Variants in PDSS2 observed in about 807,000 individuals in gnomAD.
The protein encoded by PDSS2 is all trans-polyprenyl-diphosphate synthase PDSS2.
In PDSS2, 31 loss-of-function variants were observed where a neutral mutation model predicts 44.5. The ratio of observed to expected loss-of-function variants is 0.70; its 90% confidence interval spans 0.52 to 0.94. The LOEUF (loss-of-function observed/expected upper bound fraction) is 0.94. Among genes scored for constraint, PDSS2 ranks in the 40% least tolerant of loss-of-function variants. PDSS2 has a pLI of 0.00. For missense variants in PDSS2, 452 were observed against 482.2 expected (o/e 0.94, Z 0.59); for synonymous variants, 157 against 180.3 (o/e 0.87, Z 1.03).
intron 3 of PDSS2, among the ~76,000 whole-genome samples, chr6:107,249,107 C>T (rs1774727118): frequency 6.6e-6 from 1 of 152,144 alleles, no homozygotes; most frequent in Non-Finnish European, 1.5e-5. Flanking sequence ...GGCTTAACTG[C>T]CAAGTTGCAT....
At chr6:107,247,862 G>C (rs9480755) in intron 3 of PDSS2, among the ~76,000 whole-genome samples, 1 of 53,546 alleles carries the variant, frequency 1.9e-5, no homozygotes, top group African/African-American at 7.4e-5. Flanking sequence ...AAAAAAAAAA[G>C]ACAAAAATTA....
At chr6:107,196,965 T>C (rs1772583918) in intron 6 of PDSS2, among the ~76,000 whole-genome samples, 1 of 152,238 alleles carries the variant, frequency 6.6e-6, no homozygotes, top group Admixed American at 6.5e-5. Context: ...TATATGGTGG[T>C]ACACTGGAGA....
At position 107,250,419 on chromosome 6, in the gene PDSS2, C is replaced by G. The variant is rs182363050; in HGVS notation, c.631-4800G>C. Among the ~76,000 whole-genome samples, 707 of 152,202 alleles carry G rather than the reference C, an allele frequency of 4.6e-3. 36 individuals carry two copies. Among genetic ancestry groups the G allele is most frequent in the Admixed American group, 0.044 (666 of 15,282 alleles). On this transcript the variant is annotated intron_variant, in intron 3 of 7. Coordinates refer to ENST00000369037, the MANE Select transcript of PDSS2 (RefSeq NM_020381.4). ...TTTTAATTTAAAAAATTGTTTTCTT[C>G]AATCTTTCTGCTTAAATTTATAATT...
intron 7 of PDSS2, among the ~76,000 whole-genome samples, chr6:107,178,200 A>T (rs996584375): frequency 1.3e-5 from 2 of 152,174 alleles, no homozygotes; most frequent in African/African-American, 4.8e-5. Flanking sequence ...AAGCACCTCA[A>T]ACGACAGAGA....
chr6:107,377,925 T>C (rs144569198), intron 1 of PDSS2, among the ~76,000 whole-genome samples: 2,023 of 151,818 alleles, frequency 0.013, 61 homozygotes, highest in East Asian at 0.12. Context: ...TTAGGAGATA[T>C]ACCTAATGCT....
chr6:107,387,524 T>C (rs2114504127), intron 1 of PDSS2, among the ~76,000 whole-genome samples: 1 of 152,350 alleles, frequency 6.6e-6, no homozygotes, highest in East Asian at 1.9e-4. Context: ...AAGCATTATT[T>C]GCTGTGTAAA....
In PDSS2 at chr6:107,458,999, G is replaced by T; in HGVS notation, c.287C>A (p.Thr96Asn). Residue 96 changes from threonine (T) to asparagine (N), a missense_variant, in exon 1 of 8, where the codon ACC (threonine) becomes AAC (asparagine). By Grantham distance (65) the Thr-to-Asn change is moderately conservative. Coordinates refer to ENST00000369037, the MANE Select transcript of PDSS2 (RefSeq NM_020381.4). ...GAGAGGGGTAGCTCACCTGGCTGTG[G>T]TAAGCAGAGGGTGCTGAGTGCCCAC... ...KLVGTQHPLL[T>N]TARGLVHDSW... is the part of the protein sequence containing the mutation. 6.2e-7 allele frequency: 1 copy of T among 1,614,060 alleles called. No homozygotes were observed. The highest frequency in any genetic ancestry group is 2.2e-5 in the East Asian group (1 of 44,878).
rs75671479 is a variant in PDSS2, at chr6:107,417,058, C to T, written c.296+41932G>A. 9.0e-3 allele frequency among the ~76,000 whole-genome samples: 1,367 copies of T among 151,942 alleles called. 50 individuals carry two copies. In the East Asian group the frequency reaches 0.12, roughly 13 times the overall value. On this transcript the variant is annotated intron_variant, in intron 1 of 7. Coordinates refer to ENST00000369037, the MANE Select transcript of PDSS2 (RefSeq NM_020381.4). ...AGCCTGGGCAATACAGCGAGACCCC[C>T]GTCTCTATTTAATTTTTATAAAAAA...
At chr6:107,458,725 C>T (rs1213098476) in intron 1 of PDSS2, among the ~76,000 whole-genome samples, 1 of 151,858 alleles carries the variant, frequency 6.6e-6, no homozygotes, top group East Asian at 1.9e-4. Context: ...ATCACTGAGG[C>T]ATCTTCATCC....
At chr6:107,427,376 T>G (rs569276065) in intron 1 of PDSS2, among the ~76,000 whole-genome samples, 6 of 152,290 alleles carry the variant, frequency 3.9e-5, no homozygotes, top group Non-Finnish European at 7.4e-5. Context: ...CTTTTTTTCT[T>G]CCCAGTCTCG....
chr6:107,302,225 G>T (rs544429501), intron 2 of PDSS2, among the ~76,000 whole-genome samples: 2 of 151,520 alleles, frequency 1.3e-5, no homozygotes, highest in Non-Finnish European at 2.9e-5. Context: ...TGTAGGATCC[G>T]ATTGTTTAAA....
chr6:107,442,941 T>C (rs775153638), intron 1 of PDSS2, among the ~76,000 whole-genome samples: 1 of 152,234 alleles, frequency 6.6e-6, no homozygotes, highest in Admixed American at 6.5e-5. Context: ...TGCCACTCTA[T>C]TGTTTATGTC....
At chr6:107,230,843 G>A (rs1774024282) in intron 4 of PDSS2, among the ~76,000 whole-genome samples, 1 of 151,988 alleles carries the variant, frequency 6.6e-6, no homozygotes, top group Admixed American at 6.6e-5. Flanking sequence ...CTACTGCTGC[G>A]AAAAAAATGA....
chr6:107,353,248 G>A (rs1778486982), intron 1 of PDSS2, among the ~76,000 whole-genome samples: 1 of 152,118 alleles, frequency 6.6e-6, no homozygotes, highest in Admixed American at 6.5e-5. Flanking sequence ...AACAACACAT[G>A]TGGATGTACA....
At chr6:107,383,515 G>A (rs1779517364) in intron 1 of PDSS2, among the ~76,000 whole-genome samples, 2 of 151,468 alleles carry the variant, frequency 1.3e-5, no homozygotes, top group African/African-American at 4.9e-5. Context: ...CATCAAGAAG[G>A]TGAAAAAAAC....
intron 4 of PDSS2, among the ~76,000 whole-genome samples, chr6:107,240,361 A>G (rs72613242): frequency 0.17 from 25,714 of 150,464 alleles, 2,743 homozygotes; most frequent in East Asian, 0.33. Flanking sequence ...GGATGACACC[A>G]CTGCCCTCCA....
At chr6:107,430,064 A>G (rs1004731664) in intron 1 of PDSS2, among the ~76,000 whole-genome samples, 1 of 151,448 alleles carries the variant, frequency 6.6e-6, no homozygotes, top group East Asian at 2.0e-4. Context: ...CTCTTGACAT[A>G]TATTATTCTC....
At chr6:107,189,381 A>G (rs6568472) in intron 7 of PDSS2, among the ~76,000 whole-genome samples, 65,371 of 151,790 alleles carry the variant, frequency 0.43, 15,309 homozygotes, top group East Asian at 0.68. Flanking sequence ...TCTGTTGTCC[A>G]GGCTGGAATG....
chr6:107,435,379 T>G (rs1429539429), intron 1 of PDSS2, among the ~76,000 whole-genome samples: 1 of 151,668 alleles, frequency 6.6e-6, no homozygotes, highest in Non-Finnish European at 1.5e-5. Context: ...GTACCATGCA[T>G]ACTCCATTGT....
Sources: allele counts gnomAD v4.1 joint callset (sites outside exome capture counted in the v4.1 genomes callset), GRCh38; gene constraint gnomAD v4.1.1; transcripts MANE v1.5; gene names NCBI Gene and HGNC (gene_info 2026-07-23, HGNC 2026-07-21).